Variants in TTLL8 observed in about 807,000 individuals in gnomAD.
TTLL8 encodes tubulin tyrosine ligase like 8.
In TTLL8, 65 loss-of-function variants were observed where a neutral mutation model predicts 77.8. That is an observed-to-expected ratio of 0.84 (90% CI 0.68 to 1.03). The LOEUF is 1.03. Among genes scored for constraint, TTLL8 ranks in the 50% least tolerant of loss-of-function variants. The pLI, the probability that TTLL8 is intolerant of heterozygous loss-of-function variation, is 0.00. For synonymous variants in TTLL8, 402 were observed against 422.8 expected (o/e 0.95, Z 0.60); for missense variants, 910 against 1,004.5 (o/e 0.91, Z 1.27).
In TTLL8 at chr22:50,041,359, A is replaced by C. The variant is rs887344308; in HGVS notation, c.831-82T>G. ...AGGGCCTGGGCACCCCGACACCCAT[A>C]AGGCACCCCAAGATCCAGACAGACA... On this transcript the variant is annotated intron_variant, in intron 7 of 13. Coordinates refer to ENST00000266182, the Ensembl canonical transcript of TTLL8. This position sits in a 1 kb window ranked among gnomAD's most constrained non-coding sequence, Gnocchi z 4.3. 7 of 644,826 alleles carry C rather than the reference A, an allele frequency of 1.1e-5. No individual in the cohort carries two copies. Among genetic ancestry groups the C allele is most frequent in the Admixed American group, 5.3e-5 (2 of 37,704 alleles). 39.9% of individuals were successfully genotyped at this position (644,826 alleles called of 1,614,324 possible).
At chr22:50,032,539 C>T (rs2061304335) in intron 10 of TTLL8, among the ~76,000 whole-genome samples, 1 of 152,206 alleles carries the variant, frequency 6.6e-6, no homozygotes, top group African/African-American at 2.4e-5. Flanking sequence ...CAGGCATGAC[C>T]GCAGCCGCTC....
intron 12 of TTLL8, among the ~76,000 whole-genome samples, chr22:50,021,415 C>A (rs1015338765): frequency 3.3e-5 from 5 of 150,024 alleles, no homozygotes; most frequent in African/African-American, 1.0e-4. Context: ...TGCACTCCTC[C>A]ATCTGATGAT....
At chr22:50,045,462 G>A (rs1451127983) in intron 5 of TTLL8, 73 bp from the exon 8 acceptor site, 22 of 1,283,746 alleles carry the variant, frequency 1.7e-5, no homozygotes, top group South Asian at 1.2e-4. Context: ...CCAGGGCCAC[G>A]GAGGCTCCCC....
upstream of TTLL8, chr22:50,055,129 G>A (rs149862579): frequency 2.8e-4 from 336 of 1,195,844 alleles, 2 homozygotes; most frequent in African/African-American, 4.8e-3. Flanking sequence ...GCTGCAGCTC[G>A]GGGGCACAGT....
At position 50,049,330 on chromosome 22, in the gene TTLL8, C is replaced by A. The variant is rs780238911; in HGVS notation, c.191-8G>T. 7.3e-7 allele frequency: 1 copy of A among 1,367,432 alleles called. No homozygotes were observed. The highest frequency in any genetic ancestry group is 9.8e-7 in the Non-Finnish European group (1 of 1,021,836). The allele number at this position is 1,367,432 out of a possible 1,614,324, so 84.7% of individuals were successfully genotyped here. ...CTTTGGCACATGTATCATCTGCCAA[C>A]AAAACACAGGGGAGGCCTGAACATG... On this transcript the variant is annotated splice_polypyrimidine_tract_variant and splice_region_variant and intron_variant, in intron 2 of 13. Coordinates refer to ENST00000266182, the Ensembl canonical transcript of TTLL8.
At chr22:50,048,440 G>T (rs149828213) in intron 3 of TTLL8, among the ~76,000 whole-genome samples, 3 of 152,088 alleles carry the variant, frequency 2.0e-5, no homozygotes, top group East Asian at 1.9e-4. Flanking sequence ...GGGTGAGGAC[G>T]CAGAGAGAAG....
rs1187870983 is a variant in TTLL8, at chr22:50,041,234, G to T, written c.874C>A (p.Gln292Lys). ...GGCTCAAATGACATCATAACCTTCTGGATTTTGAAGATGCACAAGACAATG... is the reference window on the plus strand; with the variant it reads ...GGCTCAAATGACATCATAACCTTCTTGATTTTGAAGATGCACAAGACAATG... The change falls in exon 8 of 14, where the codon CAG becomes AAG. Residue 292 changes from glutamine to lysine, a missense_variant. By Grantham distance (53) the Gln-to-Lys change is moderately conservative. This residue lies in a region of TTLL8 where 776 missense variants were observed against 926.1 expected (regional missense o/e 0.84). Coordinates refer to ENST00000266182, the Ensembl canonical transcript of TTLL8. The surrounding 1 kb of genome is among the most constrained non-coding windows in gnomAD (Gnocchi z 4.3). 4.1e-6 allele frequency: 2 copies of T among 485,404 alleles called. No individual in the cohort carries two copies. Among genetic ancestry groups the T allele is most frequent in the Non-Finnish European group, 4.1e-6 (1 of 243,222 alleles). 30.1% of individuals were successfully genotyped at this position (485,404 alleles called of 1,614,324 possible).
chr22:50,020,819 G>A lies in TTLL8; in HGVS notation c.2204-4257C>T, dbSNP rs200835628. On this transcript the variant is annotated intron_variant, in intron 12 of 13. Transcript: ENST00000266182. ...TCTGACAACATGCACTCCTCCATCT[G>A]ACGTGCACTCCTCCATCTGACAACG... Among the ~76,000 whole-genome samples, 11 of 148,128 alleles carry A rather than the reference G, an allele frequency of 7.4e-5. No homozygotes were observed. The East Asian group carries it at 2.2e-3, about 30-fold the overall frequency.
At chr22:50,026,552 G>A (rs1027877086) in intron 12 of TTLL8, among the ~76,000 whole-genome samples, 7 of 152,372 alleles carry the variant, frequency 4.6e-5, no homozygotes, top group South Asian at 4.1e-4. Flanking sequence ...ACATGGAAGC[G>A]CAGACCGTGC....
chr22:50,045,911 G>A, exon 5 of TTLL8: 2 of 1,362,276 alleles, frequency 1.5e-6, no homozygotes, highest in Non-Finnish European at 2.0e-6. Flanking sequence ...GTGGGAAGAA[G>A]GAGTCGGGGT....
At chr22:50,030,019 A>G (rs1206447188) in intron 12 of TTLL8, among the ~76,000 whole-genome samples, 1 of 152,196 alleles carries the variant, frequency 6.6e-6, no homozygotes, top group Non-Finnish European at 1.5e-5. Flanking sequence ...CAGAGCCTTC[A>G]GAAAACCGCA....
At position 50,044,386 on chromosome 22, in the gene TTLL8, T is replaced by A. The variant is rs998473434; in HGVS notation, c.643+869A>T. On this transcript the variant is annotated intron_variant, in intron 6 of 13. Coordinates refer to ENST00000266182, the Ensembl canonical transcript of TTLL8. This position sits in a 1 kb window ranked among gnomAD's most constrained non-coding sequence, Gnocchi z 4.2. ...CCCAAGTGACCTGGTCTCCGACCAA[T>A]GCAAACTACAACCTAACTCAGAATT... Among the ~76,000 whole-genome samples the A allele has an allele frequency of 3.8e-4, 57 of 151,834 alleles. No individual in the cohort carries two copies. The highest frequency in any genetic ancestry group is 1.2e-3 in the African/African-American group (51 of 41,304).
intron 12 of TTLL8, among the ~76,000 whole-genome samples, chr22:50,018,691 C>T (rs2061179109): frequency 6.6e-6 from 1 of 152,210 alleles, no homozygotes; most frequent in African/African-American, 2.4e-5. Flanking sequence ...TTTCCCAGAG[C>T]CACAGCAAAG....
At chr22:50,019,906 C>T (rs1403378286) in intron 12 of TTLL8, among the ~76,000 whole-genome samples, 1 of 152,018 alleles carries the variant, frequency 6.6e-6, no homozygotes, top group East Asian at 1.9e-4. Context: ...GAATTTTATG[C>T]AGAGAAATAT....
In TTLL8 at chr22:50,028,312, C is replaced by T. The variant is rs567632634; in HGVS notation, c.2203+2118G>A. On this transcript the variant is annotated intron_variant, in intron 12 of 13. Transcript: ENST00000266182. ...AAAGGGGAACATAAACTCCTTTGGT[C>T]GGCAACATTGCTTACGGCAACACTG... 1.4e-4 allele frequency among the ~76,000 whole-genome samples: 21 copies of T among 152,346 alleles called. No individual in the cohort carries two copies. The South Asian group carries it at 4.3e-3, about 32-fold the overall frequency.
chr22:50,030,390 GC>G (rs1483638007), intron 12 of TTLL8, 39 bp downstream of exon 13: 10 of 1,267,268 alleles, frequency 7.9e-6, no homozygotes, highest in Non-Finnish European at 9.1e-6. Context: ...GCAGCAGGCG[GC>G]CCCCAAGCCC....
intron 12 of TTLL8, among the ~76,000 whole-genome samples, chr22:50,027,280 T>C (rs2061235784): frequency 6.7e-6 from 1 of 149,760 alleles, no homozygotes; most frequent in Non-Finnish European, 1.5e-5. Context: ...ACGCCTGTAA[T>C]CCCAACACTT....
chr22:50,037,496 G>A (rs377206059), intron 8 of TTLL8, among the ~76,000 whole-genome samples: 3 of 152,306 alleles, frequency 2.0e-5, no homozygotes, highest in Middle Eastern at 3.4e-3. Context: ...CACCACGCCC[G>A]GCCCAATGTT....
At chr22:50,043,673 A>G (rs997216975) in intron 6 of TTLL8, among the ~76,000 whole-genome samples, 5 of 152,252 alleles carry the variant, frequency 3.3e-5, no homozygotes, top group African/African-American at 1.2e-4. Context: ...ACAGTGGAGT[A>G]TCACTCAGCC....
Sources: allele counts gnomAD v4.1 joint callset (sites outside exome capture counted in the v4.1 genomes callset), GRCh38; gene constraint gnomAD v4.1.1; regional missense constraint gnomAD v4.1.1; non-coding constraint Gnocchi (gnomAD v3.1); transcripts MANE v1.5; gene names NCBI Gene and HGNC (gene_info 2026-07-23, HGNC 2026-07-21).